HHLA2: variants seen among roughly 807,000 people sequenced by gnomAD.
HHLA2 encodes HHLA2 member of B7 family.
A neutral mutation model predicts 45.9 loss-of-function variants in HHLA2; 48 were observed. The observed-to-expected ratio is 1.05, with a 90% CI of 0.83 to 1.33. HHLA2 has a LOEUF of 1.33. Ranked by LOEUF, HHLA2 falls within the 40% of genes most tolerant of loss-of-function variation. The pLI is 0.00. For missense variants in HHLA2, 462 were observed against 494.3 expected (o/e 0.93, Z 0.62); for synonymous variants, 161 against 173.9 (o/e 0.93, Z 0.59).
At chr3:108,317,956 C>G (rs2081131582) in intron 2 of HHLA2, among the ~76,000 whole-genome samples, 1 of 151,948 alleles carries the variant, frequency 6.6e-6, no homozygotes, top group Admixed American at 6.5e-5. Context: ...CTGAGGCAGG[C>G]AGATCACCTG....
chr3:108,363,384 C>A (rs1353432314), intron 8 of HHLA2, among the ~76,000 whole-genome samples: 1 of 152,146 alleles, frequency 6.6e-6, no homozygotes, highest in African/African-American at 2.4e-5. Context: ...ATTCCATTAT[C>A]CCCCTGAGAA....
rs78699374 is a variant in HHLA2 at position 108,325,611 on chromosome 3, C to A, written c.-104-2659C>A. On this transcript the variant is annotated intron_variant, in intron 2 of 10. Coordinates refer to ENST00000619531, the Ensembl canonical transcript of HHLA2. Reference sequence around the variant, plus strand: ...ACCATAGGAACTAGAGTTTCTGCCTCCAAAGTTCCCTCCCTTCGTAGGCCC... The same window carrying A: ...ACCATAGGAACTAGAGTTTCTGCCTACAAAGTTCCCTCCCTTCGTAGGCCC... The A allele has an allele frequency of 4.7e-3, 1,116 of 238,790 alleles. 3 individuals carry two copies. Among genetic ancestry groups the A allele is most frequent in the African/African-American group, 0.023 (1,021 of 43,778 alleles). The allele number at this position is 238,790 out of a possible 1,614,324, so 14.8% of individuals were successfully genotyped here. A position where few individuals can be genotyped will look rare whatever the true frequency, so the allele number is the denominator to read the frequency against.
At chr3:108,343,508 G>A (rs1368846529) in intron 3 of HHLA2, among the ~76,000 whole-genome samples, 1 of 152,196 alleles carries the variant, frequency 6.6e-6, no homozygotes, top group East Asian at 1.9e-4. Context: ...TTGATAGAAA[G>A]CAGTCTATTT....
chr3:108,358,049 G>C (rs749527489), exon 7 of HHLA2: 2 of 1,613,554 alleles, frequency 1.2e-6, no homozygotes, highest in African/African-American at 2.7e-5. Context: ...TGATAAACCA[G>C]AGTGACTTCT....
chr3:108,340,009 G>A (rs765612289), intron 3 of HHLA2, among the ~76,000 whole-genome samples: 5 of 152,244 alleles, frequency 3.3e-5, no homozygotes, highest in African/African-American at 4.8e-5. Context: ...AGACTTGGAC[G>A]GTAAAGGTAG....
rs145736265 is a variant in HHLA2, at chr3:108,360,244, T to G, written c.1003+2083T>G. 4.9e-4 allele frequency among the ~76,000 whole-genome samples: 75 copies of G among 152,228 alleles called. 1 individual carries two copies. Among genetic ancestry groups the G allele is most frequent in the Non-Finnish European group, 5.6e-4 (38 of 68,012 alleles). ...TCTGTTATGTCTTCCACCCTCAAATTTAATGCCATTTCCATCTTAACTCAG... is the reference window on the plus strand; with the variant it reads ...TCTGTTATGTCTTCCACCCTCAAATGTAATGCCATTTCCATCTTAACTCAG... On this transcript the variant is annotated intron_variant, in intron 7 of 10. Transcript: ENST00000619531.
intron 8 of HHLA2, 39 bp downstream of exon 7, chr3:108,362,485 A>G: frequency 1.1e-5 from 14 of 1,268,734 alleles, no homozygotes; most frequent in Non-Finnish European, 1.6e-5. Context: ...CGTGTTCCAC[A>G]TCACGTATAT....
At chr3:108,347,733 T>C (rs1000786085) in intron 3 of HHLA2, among the ~76,000 whole-genome samples, 1 of 151,998 alleles carries the variant, frequency 6.6e-6, no homozygotes, top group Non-Finnish European at 1.5e-5. Flanking sequence ...ATGGTAATGG[T>C]AGAGTTGGAG....
chr3:108,353,677 G>C (rs2124740), exon 5 of HHLA2: 82 of 1,613,406 alleles, frequency 5.1e-5, no homozygotes, highest in Non-Finnish European at 6.8e-5. Flanking sequence ...GGAATGCGTC[G>C]CTATTTTTCA....
chr3:108,354,539 TGA>T (rs1187411329), intron 5 of HHLA2, among the ~76,000 whole-genome samples: 6 of 152,072 alleles, frequency 3.9e-5, no homozygotes, highest in Non-Finnish European at 7.4e-5. Context: ...ATCAGGCTGC[TGA>T]TCATTTATAT....
intron 7 of HHLA2, among the ~76,000 whole-genome samples, chr3:108,361,339 G>T (rs1406456994): frequency 6.6e-6 from 1 of 152,146 alleles, no homozygotes; most frequent in South Asian, 2.1e-4. Flanking sequence ...TGCCTTGAAG[G>T]TGAATCCTCC....
chr3:108,300,713 G>A (rs991251452), intron 1 of HHLA2, among the ~76,000 whole-genome samples: 2 of 151,928 alleles, frequency 1.3e-5, no homozygotes, highest in East Asian at 1.9e-4. Flanking sequence ...AGTGACATAC[G>A]TCCTGGGTAG....
intron 1 of HHLA2, 142 bp downstream of exon 1, chr3:108,296,741 T>C (rs1337329711): frequency 3.3e-5 from 5 of 152,260 alleles, no homozygotes. Context: ...ATTTAGTGCA[T>C]ATACTATGTA....
chr3:108,339,377 G>C (rs2081527105), intron 3 of HHLA2, among the ~76,000 whole-genome samples: 1 of 152,164 alleles, frequency 6.6e-6, no homozygotes, highest in Admixed American at 6.5e-5. Context: ...TTAGTAGAAG[G>C]CCTCAAAGTC....
chr3:108,355,239 AAAC>A (rs763635157), exon 6 of HHLA2: 1 of 1,613,906 alleles, frequency 6.2e-7, no homozygotes, highest in Admixed American at 1.7e-5. Context: ...CTATCTCTGA[AAAC>A]AACATGGAAG....
At chr3:108,371,116 A>T (rs1314704766) in intron 8 of HHLA2, among the ~76,000 whole-genome samples, 5 of 152,246 alleles carry the variant, frequency 3.3e-5, no homozygotes, top group Non-Finnish European at 7.3e-5. Context: ...CCATCAGACT[A>T]ACAGCTGATC....
chr3:108,300,417 G>T (rs1340959565), intron 1 of HHLA2, among the ~76,000 whole-genome samples: 1 of 152,166 alleles, frequency 6.6e-6, no homozygotes, highest in African/African-American at 2.4e-5. Context: ...TTAAAATAGT[G>T]CTCTTAGACG....
At chr3:108,369,676 G>A (rs2082132102) in intron 8 of HHLA2, among the ~76,000 whole-genome samples, 1 of 152,216 alleles carries the variant, frequency 6.6e-6, no homozygotes, top group South Asian at 2.1e-4. Context: ...TCCTGTGCAT[G>A]ACTCAGAGGG....
At chr3:108,338,598 C>T (rs1404624455) in intron 3 of HHLA2, among the ~76,000 whole-genome samples, 2 of 152,160 alleles carry the variant, frequency 1.3e-5, no homozygotes, top group African/African-American at 4.8e-5. Context: ...TTATTGCTGC[C>T]AGCAGTTCCA....
Sources: gnomAD v4.1 joint callset for allele counts (sites outside exome capture counted in the v4.1 genomes callset) on GRCh38, gnomAD v4.1.1 for gene constraint, MANE v1.5 for transcripts, NCBI Gene and HGNC (gene_info 2026-07-23, HGNC 2026-07-21) for gene names.